Variants in KICS2 observed in about 807,000 individuals in gnomAD.
KICS2 encodes the protein KICSTOR complex protein C12orf66.
KICS2 carries 13 observed loss-of-function variants against 31.4 expected under a neutral mutation model. That is an observed-to-expected ratio of 0.41 (90% CI 0.27 to 0.66). The LOEUF (loss-of-function observed/expected upper bound fraction) is 0.66, where lower values mean the gene tolerates loss of function less well. Ranked by LOEUF, KICS2 falls within the 30% of genes least tolerant of loss-of-function variation. The pLI, the probability that KICS2 is intolerant of heterozygous loss-of-function variation, is 0.28. For missense variants in KICS2, 455 were observed against 545.4 expected (o/e 0.83, Z 1.65); for synonymous variants, 209 against 214.8 (o/e 0.97, Z 0.24).
intron 2 of KICS2, among the ~76,000 whole-genome samples, chr12:64,195,636 C>A (rs1015913276): frequency 6.6e-6 from 1 of 152,200 alleles, no homozygotes; most frequent in Admixed American, 6.5e-5. Flanking sequence ...GTCTACAGCT[C>A]CCAGCATGAG....
chr12:64,206,956 T>C (rs972760807), intron 2 of KICS2, among the ~76,000 whole-genome samples: 54 of 152,160 alleles, frequency 3.5e-4, no homozygotes, highest in African/African-American at 1.2e-3. Context: ...AAAGATCTAC[T>C]ACAAAAGACT....
chr12:64,193,762 T>G lies in KICS2; in HGVS notation c.*80A>C. ...GAAAGAGGCATGAATGGATGTAAAC[T>G]CTATTCACAGACCACCGTAGATCAT... On this transcript the variant is annotated 3_prime_UTR_variant, in exon 3 of 3. Coordinates refer to ENST00000398055, the MANE Select transcript of KICS2 (RefSeq NM_152440.5). The G allele has an allele frequency of 1.3e-6, 2 of 1,486,844 alleles. No individual in the cohort carries two copies. Among genetic ancestry groups the G allele is most frequent in the Non-Finnish European group, 1.8e-6 (2 of 1,120,136 alleles). The allele number at this position is 1,486,844 out of a possible 1,614,324, so 92.1% of individuals were successfully genotyped here.
At chr12:64,188,341 T>A (rs2037354766), downstream of KICS2, among the ~76,000 whole-genome samples, 1 of 152,102 alleles carries the variant, frequency 6.6e-6, no homozygotes, top group African/African-American at 2.4e-5. Flanking sequence ...CTGGCCAACA[T>A]GGTGAAACCC....
chr12:64,221,543 T>G, intron 1 of KICS2: 1 of 167,986 alleles, frequency 6.0e-6, no homozygotes. Flanking sequence ...TAAATATGTA[T>G]TGGGGGACTA....
intron 1 of KICS2, among the ~76,000 whole-genome samples, 198 bp from the exon 2 acceptor site, chr12:64,216,161 A>ATGATAATCATAAATACTTTG (rs386376765): frequency 9.7e-4 from 145 of 149,934 alleles, no homozygotes; most frequent in East Asian, 2.0e-3. Context: ...TAAATACTTT[A>ATGATAATCATAAATACTTTG]TGATAATCAT....
intron 2 of KICS2, among the ~76,000 whole-genome samples, chr12:64,201,772 T>TG (rs112991567): frequency 0.17 from 25,612 of 151,064 alleles, 2,387 homozygotes; most frequent in Admixed American, 0.21. Context: ...GAACCTGGGG[T>TG]GGGGGGGCAA....
At chr12:64,201,605 T>TAA (rs531373424) in intron 2 of KICS2, among the ~76,000 whole-genome samples, 5 of 115,654 alleles carry the variant, frequency 4.3e-5, no homozygotes, top group Non-Finnish European at 6.8e-5. Flanking sequence ...TAAAGTATAA[T>TAA]AAAAAAAAAA....
At chr12:64,208,646 GC>G (rs747233535) in intron 2 of KICS2, among the ~76,000 whole-genome samples, 4 of 152,152 alleles carry the variant, frequency 2.6e-5, no homozygotes, top group Non-Finnish European at 5.9e-5. Context: ...TTGTAGTTCT[GC>G]CTTTCGTGAG....
chr12:64,220,456 G>T (rs775901653), intron 1 of KICS2, among the ~76,000 whole-genome samples: 1 of 151,760 alleles, frequency 6.6e-6, no homozygotes, highest in Non-Finnish European at 1.5e-5. Flanking sequence ...ACCCACTCAG[G>T]TTATACGCAA....
chr12:64,221,508 A>C (rs2037682918), intron 1 of KICS2: 1 of 156,390 alleles, frequency 6.4e-6, no homozygotes, highest in African/African-American at 2.4e-5. Context: ...TTTCCTGCCC[A>C]ATATTCATTT....
intron 2 of KICS2, among the ~76,000 whole-genome samples, chr12:64,208,666 G>C (rs1190440464): frequency 2.0e-5 from 3 of 152,162 alleles, no homozygotes; most frequent in Admixed American, 2.0e-4. Context: ...AGAAATTTGT[G>C]AATTAAAGCA....
chr12:64,195,264 G>T (rs555421777), intron 2 of KICS2, among the ~76,000 whole-genome samples: 7 of 152,168 alleles, frequency 4.6e-5, no homozygotes, highest in Non-Finnish European at 1.0e-4. Flanking sequence ...TCTGGCAATT[G>T]TATGACTAAA....
At chr12:64,209,136 C>T (rs764276111) in intron 2 of KICS2, among the ~76,000 whole-genome samples, 1 of 152,086 alleles carries the variant, frequency 6.6e-6, no homozygotes, top group Non-Finnish European at 1.5e-5. Flanking sequence ...TGACCCTATA[C>T]AAGCTAAGTT....
rs1282211566 is a variant in KICS2, at chr12:64,194,146, T to C, written c.1034A>G (p.Gln345Arg). 1.2e-6 allele frequency: 2 copies of C among 1,614,072 alleles called. No individual in the cohort carries two copies. The highest frequency in any genetic ancestry group is 1.7e-6 in the Non-Finnish European group (2 of 1,180,048). The change falls in exon 3 of 3, where the codon CAG becomes CGG. Residue 345 changes from glutamine to arginine, a missense_variant. Coordinates refer to ENST00000398055, the MANE Select transcript of KICS2 (RefSeq NM_152440.5). ...GGGCAGAGACACTACAGCTGGATAC[T>C]GGTCCACACCCTTGGGGGCCTCTCT... The part of the protein sequence containing the change: ...SYREAPKGVD[Q>R]YPAVVSLPSD...
In KICS2 at chr12:64,209,366, C is replaced by T. The variant is rs142542221; in HGVS notation, c.521+6312G>A. On this transcript the variant is annotated intron_variant, in intron 2 of 2. Coordinates refer to ENST00000398055, the MANE Select transcript of KICS2 (RefSeq NM_152440.5). Reference sequence around the variant, plus strand: ...TTGGGATGCTAAGCGGGGTTGATCACCTGAGGTCAGGGGTTCAAGACCAGC... The same window carrying T: ...TTGGGATGCTAAGCGGGGTTGATCATCTGAGGTCAGGGGTTCAAGACCAGC... Among the ~76,000 whole-genome samples, 764 of 152,176 alleles carry T rather than the reference C, an allele frequency of 5.0e-3. 5 individuals carry two copies. The highest frequency in any genetic ancestry group is 0.034 in the Middle Eastern group (10 of 294).
At position 64,215,922 on chromosome 12, in the gene KICS2, T is replaced by A. The variant is rs1277961501; in HGVS notation, c.277A>T (p.Ile93Phe). The A allele has an allele frequency of 1.2e-6, 2 of 1,613,808 alleles. No individual in the cohort carries two copies. Among genetic ancestry groups the A allele is most frequent in the East Asian group, 4.5e-5 (2 of 44,878 alleles). The change falls in exon 2 of 3, where the codon ATC becomes TTC. Residue 93 changes from isoleucine (I) to phenylalanine (F), a missense_variant. Coordinates refer to ENST00000398055, the MANE Select transcript of KICS2 (RefSeq NM_152440.5). ...AGCTCATTATGCAATGAAGTATAGA[T>A]GGTGCGGATGGAATCCTTCCTGCTG... The part of the protein sequence containing the change: ...FFSRKDSIRT[I>F]YTSLHNELKK...
chr12:64,190,627 A>G (rs1273170582), downstream of KICS2, among the ~76,000 whole-genome samples: 2 of 151,996 alleles, frequency 1.3e-5, no homozygotes, highest in African/African-American at 4.8e-5. Context: ...TTAGCCAGGC[A>G]TGGTCCTAGC....
chr12:64,196,246 G>C (rs530423236), intron 2 of KICS2, among the ~76,000 whole-genome samples: 1 of 151,122 alleles, frequency 6.6e-6, no homozygotes, highest in Admixed American at 6.6e-5. Flanking sequence ...CACGCAGCTG[G>C]AGATCTGAGA....
Position 64,205,907 on chromosome 12 carries a change from T to C in KICS2, c.521+9771A>G, listed in dbSNP as rs535925878. ...AACACTGCCTTTCTCCTTTGCAAAT[T>C]TGCACCACGGAGTTCTTTCCAAAAG... On this transcript the variant is annotated intron_variant, in intron 2 of 2. Transcript: ENST00000398055. 4.6e-5 allele frequency among the ~76,000 whole-genome samples: 7 copies of C among 152,278 alleles called. No homozygotes were observed. The East Asian group carries it at 5.8e-4, about 13-fold the overall frequency.
Sources: gnomAD v4.1 joint callset for allele counts (sites outside exome capture counted in the v4.1 genomes callset) on GRCh38, gnomAD v4.1.1 for gene constraint, MANE v1.5 for transcripts, NCBI Gene and HGNC (gene_info 2026-07-23, HGNC 2026-07-21) for gene names.